The following DNAH6 variants were observed in gnomAD, a reference collection of about 807,000 sequenced individuals.
The protein encoded by DNAH6 is dynein axonemal heavy chain 6.
A neutral mutation model predicts 491.4 loss-of-function variants in DNAH6; 340 were observed. The observed-to-expected ratio is 0.69, with a 90% confidence interval of 0.63 to 0.76. The LOEUF is 0.76. DNAH6 is among the 30% of genes least tolerant of loss of function. DNAH6 has a pLI of 0.00. For synonymous variants in DNAH6, 1,603 were observed against 1,686.1 expected (o/e 0.95, Z 1.21); for missense variants, 4,443 against 4,972.2 (o/e 0.89, Z 3.20).
At chr2:84,501,026 T>C in the DNAH6 span, among the ~76,000 whole-genome samples, 1 of 152,202 alleles carries the variant, frequency 6.6e-6, no homozygotes, top group Non-Finnish European at 1.5e-5. Context: ...TGTCTTTCTC[T>C]TGTCTGATTG....
At chr2:84,537,263 T>A (rs181555274) in intron 4 of DNAH6, among the ~76,000 whole-genome samples, 39 of 152,154 alleles carry the variant, frequency 2.6e-4, no homozygotes, top group Non-Finnish European at 5.0e-4. Context: ...TAAGAAATAA[T>A]TATAAATACC....
intron 67 of DNAH6, among the ~76,000 whole-genome samples, chr2:84,786,030 T>G (rs1311246775): frequency 1.3e-5 from 2 of 152,172 alleles, no homozygotes; most frequent in Non-Finnish European, 2.9e-5. Context: ...CAAAATAGAT[T>G]TCCTCATAGG....
intron 45 of DNAH6, among the ~76,000 whole-genome samples, chr2:84,692,978 A>G (rs547627033): frequency 1.8e-4 from 27 of 152,278 alleles, no homozygotes; most frequent in African/African-American, 6.5e-4. Flanking sequence ...TCTACTATAA[A>G]ACTTCTGCAT....
intron 63 of DNAH6, among the ~76,000 whole-genome samples, chr2:84,759,199 A>G (rs1306591452): frequency 3.3e-5 from 5 of 151,428 alleles, no homozygotes; most frequent in Middle Eastern, 3.2e-3. Flanking sequence ...CCCATTTATA[A>G]TAGCTACCAA....
chr2:84,673,113 T>TC (rs1184969108), intron 40 of DNAH6, among the ~76,000 whole-genome samples: 1 of 151,990 alleles, frequency 6.6e-6, no homozygotes, highest in Non-Finnish European at 1.5e-5. Flanking sequence ...GGGAGAAGCC[T>TC]CCCAGAAGTG....
intron 37 of DNAH6, among the ~76,000 whole-genome samples, chr2:84,659,592 G>A (rs1193407303): frequency 1.3e-5 from 2 of 152,180 alleles, no homozygotes; most frequent in South Asian, 2.1e-4. Flanking sequence ...TTACAAATAT[G>A]TATGGAAGGA....
chr2:84,808,665 A>G, intron 72 of DNAH6, 123 bp downstream of exon 72: 1 of 926,510 alleles, frequency 1.1e-6, no homozygotes, highest in South Asian at 1.6e-5. Context: ...ACAACTCTTC[A>G]AGCCCAATGA....
chr2:84,757,223 T>TGAA (rs1460839045), intron 63 of DNAH6, among the ~76,000 whole-genome samples: 1 of 152,182 alleles, frequency 6.6e-6, no homozygotes, highest in Non-Finnish European at 1.5e-5. Context: ...CCATGTGATA[T>TGAA]GAAGAAGCCC....
intron 66 of DNAH6, 64 bp downstream of exon 66, chr2:84,784,874 TC>T: frequency 8.7e-7 from 1 of 1,147,396 alleles, no homozygotes; most frequent in South Asian, 1.4e-5. Flanking sequence ...ACCTAGTGCC[TC>T]CCAGGAGATC....
intron 68 of DNAH6, among the ~76,000 whole-genome samples, chr2:84,793,347 G>A (rs1457954354): frequency 6.6e-6 from 1 of 152,198 alleles, no homozygotes; most frequent in Admixed American, 6.5e-5. Flanking sequence ...TGTTTACTCA[G>A]TTTGACCCAT....
chr2:84,598,104 A>T lies in DNAH6; in HGVS notation c.2868+2315A>T, dbSNP rs1339016469. Among the ~76,000 whole-genome samples the T allele has an allele frequency of 3.6e-3, 490 of 135,038 alleles. 4 individuals carry two copies. Among genetic ancestry groups the T allele is most frequent in the African/African-American group, 0.012 (431 of 35,220 alleles). 88.6% of individuals were successfully genotyped at this position (135,038 alleles called of 152,430 possible). On this transcript the variant is annotated intron_variant, in intron 18 of 76. Transcript: ENST00000389394. ...AAGTGAACTCGTGGTTACTCGTGGA[A>T]CTCGTGGTTCTTTCTATCTTTCTTT...
At chr2:84,627,699 C>A (rs560664227) in intron 29 of DNAH6, among the ~76,000 whole-genome samples, 1 of 152,170 alleles carries the variant, frequency 6.6e-6, no homozygotes, top group East Asian at 1.9e-4. Flanking sequence ...AAAAATATGT[C>A]TTTTGTCAGC....
chr2:84,704,237 T>A lies in DNAH6; in HGVS notation c.8400T>A (p.Val2800=), dbSNP rs1696213178. 3 of 1,551,656 alleles carry A rather than the reference T, an allele frequency of 1.9e-6. No individual in the cohort carries two copies. Among genetic ancestry groups the A allele is most frequent in the African/African-American group, 1.4e-5 (1 of 73,036 alleles). Reference sequence around the variant, plus strand: ...AGGCAGATATATCTGAAATCAGAGTTTTTACAAAGCCCCCAGATTTGGTCA... The same window carrying A: ...AGGCAGATATATCTGAAATCAGAGTATTTACAAAGCCCCCAGATTTGGTCA... The part of the protein sequence containing the change: ...LDKADISEIR[V]FTKPPDLVMT... The change falls in exon 51 of 77, where the codon GTT becomes GTA. Residue 2800 remains valine, a synonymous_variant. Transcript: ENST00000389394.
At chr2:84,565,713 G>A (rs1476018121) in intron 11 of DNAH6, among the ~76,000 whole-genome samples, 1 of 151,892 alleles carries the variant, frequency 6.6e-6, no homozygotes, top group Non-Finnish European at 1.5e-5. Context: ...TTGTGTGACT[G>A]TCTATGTCTT....
At chr2:84,533,999 A>T (rs1677432663) in intron 4 of DNAH6, among the ~76,000 whole-genome samples, 1 of 152,156 alleles carries the variant, frequency 6.6e-6, no homozygotes, top group East Asian at 1.9e-4. Flanking sequence ...TCTGTGGCTC[A>T]CACTACCCAT....
chr2:84,677,592 CT>C (rs1303206715), intron 41 of DNAH6, among the ~76,000 whole-genome samples: 3 of 152,200 alleles, frequency 2.0e-5, no homozygotes, highest in African/African-American at 7.2e-5. Flanking sequence ...CTTGGCCACT[CT>C]CGCTAAGAAT....
Position 84,624,353 on chromosome 2 carries a change from A to T in DNAH6, c.4160A>T (p.His1387Leu), listed in dbSNP as rs1687658961. The T allele has an allele frequency of 2.6e-6, 4 of 1,551,310 alleles. No individual in the cohort carries two copies. Among genetic ancestry groups the T allele is most frequent in the Non-Finnish European group, 3.5e-6 (4 of 1,146,836 alleles). The change falls in exon 27 of 77, where the codon CAT (histidine) becomes CTT (leucine). Residue 1387 changes from histidine (H) to leucine (L), a missense_variant. Around this residue, in one of 3 missense-constraint regions of DNAH6, gnomAD observed 2,977 missense variants for 3,296.6 expected, o/e 0.90. Coordinates refer to ENST00000389394, the MANE Select transcript of DNAH6 (RefSeq NM_001370.2). ...ACTGCATTGATTACTATTGATGTGC[A>T]TGCAAGAGATATAGTCACTGAACTT... ...ILTALITIDV[H>L]ARDIVTELVQ...
intron 62 of DNAH6, among the ~76,000 whole-genome samples, chr2:84,735,515 T>C (rs1482085594): frequency 1.3e-5 from 2 of 152,232 alleles, no homozygotes; most frequent in Admixed American, 1.3e-4. Flanking sequence ...TCAGCAACAG[T>C]ATGTAAGCAT....
chr2:84,801,259 AAAAG>A (rs1351828889), intron 70 of DNAH6, among the ~76,000 whole-genome samples: 1 of 150,882 alleles, frequency 6.6e-6, no homozygotes, highest in African/African-American at 2.4e-5. Context: ...AAAAAAAAGA[AAAAG>A]AAAAAGAAAA....
Sources: allele counts gnomAD v4.1 joint callset (sites outside exome capture counted in the v4.1 genomes callset), GRCh38; gene constraint gnomAD v4.1.1; regional missense constraint gnomAD v4.1.1; transcripts MANE v1.5; gene names NCBI Gene and HGNC (gene_info 2026-07-23, HGNC 2026-07-21).